Variants in ANTXR1 observed in about 807,000 individuals in gnomAD.
ANTXR1 encodes the protein ANTXR cell adhesion molecule 1, also known as anthrax toxin receptor 1.
ANTXR1 carries 19 observed loss-of-function variants against 78.1 expected under a neutral mutation model. That is an observed-to-expected ratio of 0.24 (90% CI 0.17 to 0.36). The LOEUF (loss-of-function observed/expected upper bound fraction) is 0.36. Ranked by LOEUF, ANTXR1 falls within the 10% of genes least tolerant of loss-of-function variation. ANTXR1 has a pLI of 1.00. For missense variants in ANTXR1, 518 were observed against 718.6 expected, an observed-to-expected ratio of 0.72 and a Z score of 3.19; for synonymous variants, 273 against 260.5, an observed-to-expected ratio of 1.05 and a Z score of -0.46.
chr2:69,197,453 G>A (rs1235534868), intron 17 of ANTXR1, among the ~76,000 whole-genome samples: 1 of 152,176 alleles, frequency 6.6e-6, no homozygotes, highest in South Asian at 2.1e-4. Context: ...TGGGCTCTGA[G>A]CACGTGGAAT....
intron 17 of ANTXR1, among the ~76,000 whole-genome samples, chr2:69,205,169 A>G (rs1674864943): frequency 6.6e-6 from 1 of 152,066 alleles, no homozygotes; most frequent in Non-Finnish European, 1.5e-5. Context: ...AGAAGATTTA[A>G]CCCAGGCTAG....
intron 12 of ANTXR1, among the ~76,000 whole-genome samples, chr2:69,141,946 C>A (rs1294796844): frequency 6.6e-6 from 1 of 152,168 alleles, no homozygotes; most frequent in African/African-American, 2.4e-5. Flanking sequence ...TGTCGTCAGT[C>A]TTAAAAATAA....
intron 17 of ANTXR1, among the ~76,000 whole-genome samples, chr2:69,216,437 A>G (rs1302128980): frequency 2.0e-5 from 3 of 152,174 alleles, no homozygotes; most frequent in African/African-American, 7.2e-5. Context: ...ATATACACAC[A>G]TACATATATG....
At chr2:69,044,899 C>A in intron 3 of ANTXR1, 86 bp downstream of exon 3, 1 of 1,320,744 alleles carries the variant, frequency 7.6e-7, no homozygotes, top group South Asian at 1.2e-5. Flanking sequence ...CAGCCTTGAC[C>A]TGTTGATCAC....
chr2:69,056,668 A>T (rs1034985678), intron 3 of ANTXR1, among the ~76,000 whole-genome samples: 2 of 152,000 alleles, frequency 1.3e-5, no homozygotes, highest in African/African-American at 4.8e-5. Context: ...TTCATATTAA[A>T]CTTTTTTTAA....
intron 12 of ANTXR1, among the ~76,000 whole-genome samples, chr2:69,148,431 A>G (rs1308368565): frequency 1.3e-5 from 2 of 152,200 alleles, no homozygotes; most frequent in Non-Finnish European, 2.9e-5. Flanking sequence ...CTTGCTGAGA[A>G]CAATAGCCCG....
At chr2:69,079,681 A>G (rs1437225633) in intron 8 of ANTXR1, among the ~76,000 whole-genome samples, 1 of 152,184 alleles carries the variant, frequency 6.6e-6, no homozygotes, top group Non-Finnish European at 1.5e-5. Flanking sequence ...ACAAGTTAAG[A>G]AAATAATCTG....
chr2:69,237,999 A>G (rs1030516988), intron 17 of ANTXR1, among the ~76,000 whole-genome samples: 1 of 152,200 alleles, frequency 6.6e-6, no homozygotes, highest in Non-Finnish European at 1.5e-5. Flanking sequence ...GCAGGGCAGA[A>G]TGAATGAGTA....
At chr2:69,063,994 GAGAA>G (rs1344733586) in intron 3 of ANTXR1, among the ~76,000 whole-genome samples, 2 of 151,466 alleles carry the variant, frequency 1.3e-5, no homozygotes, top group Non-Finnish European at 2.9e-5. Flanking sequence ...TATAGGAAAG[GAGAA>G]AGAAACAAAG....
chr2:69,043,509 G>A (rs540782909), intron 2 of ANTXR1, among the ~76,000 whole-genome samples: 33 of 152,234 alleles, frequency 2.2e-4, no homozygotes, highest in African/African-American at 7.0e-4. Flanking sequence ...CAGGCAGCAC[G>A]GGGTCATGGA....
chr2:69,016,121 T>C (rs1671017691), intron 1 of ANTXR1, among the ~76,000 whole-genome samples: 1 of 152,244 alleles, frequency 6.6e-6, no homozygotes. Flanking sequence ...CGCTGTCCAG[T>C]AGAACTTTCT....
At chr2:69,065,296 G>A (rs550002860) in intron 3 of ANTXR1, among the ~76,000 whole-genome samples, 1 of 151,874 alleles carries the variant, frequency 6.6e-6, no homozygotes, top group Non-Finnish European at 1.5e-5. Flanking sequence ...GTGGTGGCAC[G>A]CACCTGTAGT....
chr2:69,124,736 A>T (rs1036902625), intron 12 of ANTXR1, 93 bp downstream of exon 12: 4 of 1,456,270 alleles, frequency 2.7e-6, no homozygotes, highest in African/African-American at 1.4e-5. Context: ...GGTACCCTGG[A>T]AAGTTTTTTG....
intron 17 of ANTXR1, among the ~76,000 whole-genome samples, chr2:69,205,473 T>C (rs1355897236): frequency 1.3e-5 from 2 of 152,204 alleles, no homozygotes; most frequent in African/African-American, 2.4e-5. Flanking sequence ...GCTCATTGTC[T>C]GGCCCTTCCT....
intron 8 of ANTXR1, 137 bp from the exon 9 acceptor site, chr2:69,090,722 A>T: frequency 1.3e-6 from 1 of 753,396 alleles, no homozygotes; most frequent in Non-Finnish European, 2.3e-6. Context: ...TCAAGATGTT[A>T]GACTCCTCGC....
rs181252396 is a variant in ANTXR1 at position 69,185,838 on chromosome 2, C to T, written c.1353+3178C>T. Among the ~76,000 whole-genome samples, 250 of 152,240 alleles carry T rather than the reference C, an allele frequency of 1.6e-3. 1 individual carries two copies. The highest frequency in any genetic ancestry group is 5.5e-3 in the African/African-American group (227 of 41,542). On this transcript the variant is annotated intron_variant, in intron 16 of 17. Transcript: ENST00000303714. The stretch of plus-strand genomic sequence containing the variant: ...GCCAGATGGAAATGACCTAGGATGC[C>T]GGTGGACTTGAAGAGCTCCTCGGCA...
chr2:69,238,741 T>C (rs1257178508), intron 17 of ANTXR1, among the ~76,000 whole-genome samples: 1 of 152,204 alleles, frequency 6.6e-6, no homozygotes, highest in African/African-American at 2.4e-5. Context: ...AGAAAAGGTA[T>C]TTGTCAGAGG....
intron 10 of ANTXR1, among the ~76,000 whole-genome samples, chr2:69,110,613 C>T (rs112101191): frequency 1.4e-3 from 210 of 152,162 alleles, no homozygotes; most frequent in African/African-American, 4.7e-3. Flanking sequence ...AATCCCAGCA[C>T]TTTGGGAGGC....
chr2:69,242,310 CT>C (rs912856603), intron 17 of ANTXR1, among the ~76,000 whole-genome samples: 3 of 152,194 alleles, frequency 2.0e-5, no homozygotes, highest in Non-Finnish European at 4.4e-5. Context: ...TTCATCCCAT[CT>C]TCAGGGGACA....
Sources: allele counts gnomAD v4.1 joint callset (sites outside exome capture counted in the v4.1 genomes callset), GRCh38; gene constraint gnomAD v4.1.1; transcripts MANE v1.5; gene names NCBI Gene and HGNC (gene_info 2026-07-23, HGNC 2026-07-21).